Variants in HECW2 observed in about 807,000 individuals in gnomAD.
HECW2 encodes E3 ubiquitin-protein ligase HECW2.
Under a neutral mutation model 175.2 loss-of-function variants are expected in HECW2, and 61 were observed. The observed-to-expected ratio is 0.35, with a 90% CI of 0.28 to 0.43. HECW2 has a LOEUF of 0.43. HECW2 is among the 20% of genes least tolerant of loss of function. The pLI, the probability that HECW2 is intolerant of heterozygous loss-of-function variation, is 1.00. For synonymous variants in HECW2, 671 were observed against 731.0 expected, an observed-to-expected ratio of 0.92 and a Z score of 1.32; for missense variants, 1,524 against 2,000.5, an observed-to-expected ratio of 0.76 and a Z score of 4.54.
chr2:196,525,756 T>A (rs1283558714), intron 1 of HECW2, among the ~76,000 whole-genome samples: 5 of 148,978 alleles, frequency 3.4e-5, no homozygotes, highest in African/African-American at 1.2e-4. Flanking sequence ...TGGCTGGATA[T>A]GAAATTCTGG....
At chr2:196,223,879 T>A (rs1458882278) in intron 23 of HECW2, among the ~76,000 whole-genome samples, 2 of 152,090 alleles carry the variant, frequency 1.3e-5, no homozygotes, top group Admixed American at 6.6e-5. Flanking sequence ...TGAAAATCAT[T>A]TAGGAGGCAA....
chr2:196,426,541 T>A (rs892682700), intron 2 of HECW2, among the ~76,000 whole-genome samples: 1 of 152,156 alleles, frequency 6.6e-6, no homozygotes, highest in African/African-American at 2.4e-5. Context: ...GACATTTGCT[T>A]GTCTTCTTTT....
intron 1 of HECW2, among the ~76,000 whole-genome samples, chr2:196,499,148 C>G (rs1687494775): frequency 6.6e-6 from 1 of 152,144 alleles, no homozygotes; most frequent in Non-Finnish European, 1.5e-5. Context: ...TAAACGCTTT[C>G]TCTGCTGCAA....
intron 1 of HECW2, among the ~76,000 whole-genome samples, chr2:196,438,951 A>T (rs1239850301): frequency 2.6e-5 from 4 of 152,150 alleles, no homozygotes; most frequent in Non-Finnish European, 5.9e-5. Flanking sequence ...TGGGGAAGGG[A>T]TGGAGGTTTT....
intron 2 of HECW2, among the ~76,000 whole-genome samples, chr2:196,345,629 C>A (rs1692928818): frequency 6.6e-6 from 1 of 152,110 alleles, no homozygotes; most frequent in African/African-American, 2.4e-5. Context: ...AGGCTTCTTG[C>A]TACCTAGGAA....
At chr2:196,466,232 A>G (rs1382134721) in intron 1 of HECW2, among the ~76,000 whole-genome samples, 1 of 152,200 alleles carries the variant, frequency 6.6e-6, no homozygotes, top group Non-Finnish European at 1.5e-5. Flanking sequence ...AAGAGTTGGA[A>G]AGTGGAGGAT....
chr2:196,325,173 G>C, intron 5 of HECW2, 24 bp from the exon 6 acceptor site: 1 of 1,535,248 alleles, frequency 6.5e-7, no homozygotes, highest in Non-Finnish European at 8.8e-7. Flanking sequence ...GGGAGAAGGA[G>C]GGAGGGACAA....
chr2:196,394,752 G>A (rs895280157), intron 2 of HECW2, among the ~76,000 whole-genome samples: 8 of 152,182 alleles, frequency 5.3e-5, no homozygotes, highest in Admixed American at 3.9e-4. Flanking sequence ...TTGGGAAAAG[G>A]ACAATCTTTT....
intron 2 of HECW2, among the ~76,000 whole-genome samples, chr2:196,374,558 A>G (rs986769232): frequency 2.0e-5 from 3 of 152,232 alleles, no homozygotes; most frequent in Non-Finnish European, 4.4e-5. Context: ...TCTCTCTCTT[A>G]TCTTTCTACA....
intron 14 of HECW2, 123 bp from the exon 15 acceptor site, chr2:196,278,785 T>G: frequency 8.6e-7 from 1 of 1,165,884 alleles, no homozygotes; most frequent in Non-Finnish European, 1.2e-6. Context: ...TCTCATAATT[T>G]TCAATCTTTG....
intron 13 of HECW2, among the ~76,000 whole-genome samples, chr2:196,293,252 G>A (rs868250151): frequency 5.9e-5 from 9 of 152,324 alleles, no homozygotes; most frequent in Middle Eastern, 3.4e-3. Flanking sequence ...AACATGTGGT[G>A]TTTGGTTTTC....
At chr2:196,309,659 G>A (rs1160765932) in intron 10 of HECW2, among the ~76,000 whole-genome samples, 1 of 152,054 alleles carries the variant, frequency 6.6e-6, no homozygotes, top group Non-Finnish European at 1.5e-5. Context: ...GGTAATTCAG[G>A]CACATAGACA....
intron 1 of HECW2, among the ~76,000 whole-genome samples, chr2:196,463,636 T>C (rs143875002): frequency 0.011 from 1,618 of 152,324 alleles, 26 homozygotes; most frequent in South Asian, 0.035. Flanking sequence ...TAATATTGTA[T>C]TTTATATTAC....
chr2:196,478,995 C>G (rs1020532528), intron 1 of HECW2, among the ~76,000 whole-genome samples: 5 of 152,196 alleles, frequency 3.3e-5, no homozygotes, highest in African/African-American at 4.8e-5. Flanking sequence ...TGAGGGCCAA[C>G]AAGAGGGGTA....
chr2:196,549,722 C>A (rs932552898), intron 1 of HECW2, among the ~76,000 whole-genome samples: 8 of 151,952 alleles, frequency 5.3e-5, no homozygotes, highest in African/African-American at 1.9e-4. Flanking sequence ...TTGTTTAAAG[C>A]TCCTACATAG....
At chr2:196,416,027 T>C (rs1339765766) in intron 2 of HECW2, among the ~76,000 whole-genome samples, 1 of 152,242 alleles carries the variant, frequency 6.6e-6, no homozygotes, top group East Asian at 1.9e-4. Flanking sequence ...ATTTGAATTT[T>C]ATTTCTTCGT....
Position 196,357,361 on chromosome 2 carries a change from C to A in HECW2, c.293-13597G>T, listed in dbSNP as rs372170724. On this transcript the variant is annotated intron_variant, in intron 2 of 28. Transcript: ENST00000644978. Reference sequence around the variant, plus strand: ...GGGCGGCACTCATCCTCCTCTAAGCCCTCTCCAAGTCAAACACCATCCTGT... The same window carrying A: ...GGGCGGCACTCATCCTCCTCTAAGCACTCTCCAAGTCAAACACCATCCTGT... 2.0e-5 allele frequency among the ~76,000 whole-genome samples: 3 copies of A among 152,260 alleles called. No homozygotes were observed. The East Asian group carries it at 5.8e-4, about 29-fold the overall frequency.
At chr2:196,459,502 A>G (rs1039460127) in intron 1 of HECW2, among the ~76,000 whole-genome samples, 2 of 151,942 alleles carry the variant, frequency 1.3e-5, no homozygotes, top group African/African-American at 4.8e-5. Context: ...AGCCAAGGGG[A>G]CCCCAGAAAT....
At chr2:196,575,721 G>A (rs1437155394) in intron 1 of HECW2, among the ~76,000 whole-genome samples, 1 of 152,150 alleles carries the variant, frequency 6.6e-6, no homozygotes, top group Non-Finnish European at 1.5e-5. Context: ...GGTTCTGCAG[G>A]CTGTACAAAT....
Sources: gnomAD v4.1 joint callset for allele counts (sites outside exome capture counted in the v4.1 genomes callset) on GRCh38, gnomAD v4.1.1 for gene constraint, MANE v1.5 for transcripts, NCBI Gene and HGNC (gene_info 2026-07-23, HGNC 2026-07-21) for gene names.